The following TOP3A variants were observed in gnomAD, a reference collection of about 807,000 sequenced individuals.
TOP3A encodes the protein DNA topoisomerase 3-alpha.
Under a neutral mutation model 111.3 loss-of-function variants are expected in TOP3A, and 64 were observed. The ratio of observed to expected loss-of-function variants is 0.57; its 90% confidence interval spans 0.47 to 0.71. TOP3A has a LOEUF of 0.71. TOP3A is among the 30% of genes least tolerant of loss of function. The pLI is 0.00. For missense variants in TOP3A, 1,104 were observed against 1,285.0 expected (o/e 0.86, Z 2.15); for synonymous variants, 484 against 485.1 (o/e 1.00, Z 0.03).
At chr17:18,295,749 G>GC (rs1567744266) in intron 9 of TOP3A, among the ~76,000 whole-genome samples, 1 of 151,522 alleles carries the variant, frequency 6.6e-6, no homozygotes, top group Admixed American at 6.6e-5. Context: ...GTGAGCCACC[G>GC]CGTCTGGCCC....
rs1433406884 is a variant in TOP3A, at chr17:18,277,663, T to G, written c.2827+12A>C. The G allele has an allele frequency of 6.3e-7, 1 of 1,594,810 alleles. No homozygotes were observed. Among genetic ancestry groups the G allele is most frequent in the Non-Finnish European group, 8.6e-7 (1 of 1,165,088 alleles). ...CTGAAGGCAGGGATTCCCATGCCCCTCCCTGCCTCACCTGGAGCGGTGTTC... is the reference window on the plus strand; with the variant it reads ...CTGAAGGCAGGGATTCCCATGCCCCGCCCTGCCTCACCTGGAGCGGTGTTC... On this transcript the variant is annotated intron_variant, in intron 18 of 18. Coordinates refer to ENST00000321105, the MANE Select transcript of TOP3A (RefSeq NM_004618.5).
rs150182250 is a variant in TOP3A, at chr17:18,302,596, C to T, written c.627G>A (p.Glu209=). 128 of 1,614,124 alleles carry T rather than the reference C, an allele frequency of 7.9e-5. No homozygotes were observed. The African/African-American group carries it at 1.5e-3, about 19-fold the overall frequency. The change falls in exon 6 of 19, where the codon GAG becomes GAA. Residue 209 remains glutamate (E), a synonymous_variant. Transcript: ENST00000321105. ...RVSDAVDVRQ[E]LDLRIGAAFT... The stretch of plus-strand genomic sequence containing the variant: ...GCTCCTCACCAATCCTCAGGTCCAG[C>T]TCCTGCCTCACATCCACAGCATCGC...
At chr17:18,308,267 G>A (rs537037016) in intron 3 of TOP3A, 84 bp downstream of exon 3, 13 of 460,452 alleles carry the variant, frequency 2.8e-5, no homozygotes, top group Admixed American at 2.8e-4. Flanking sequence ...AAATTACCCA[G>A]TAAGATCAAC....
Position 18,278,091 on chromosome 17 carries a change from G to A in TOP3A, c.2411C>T (p.Ala804Val), listed in dbSNP as rs1979509458. 1.2e-6 allele frequency: 2 copies of A among 1,614,246 alleles called. No individual in the cohort carries two copies. The highest frequency in any genetic ancestry group is 1.3e-5 in the African/African-American group (1 of 75,074). The change falls in exon 18 of 19, where the codon GCT (alanine) becomes GTT (valine). Residue 804 changes from alanine (A) to valine (V), a missense_variant. Ala to Val is a moderately conservative substitution (Grantham distance 64). Transcript: ENST00000321105. ...ALAQTLPPPT[A>V]AGESNSVTCN... The stretch of plus-strand genomic sequence containing the variant: ...GGTCACAGAATTGCTTTCACCAGCA[G>A]CCGTGGGTGGTGGGAGGGTCTGGGC...
Position 18,302,620 on chromosome 17 carries a change from G to A in TOP3A, c.603C>T (p.Ser201=), listed in dbSNP as rs765303480. 8.1e-6 allele frequency: 13 copies of A among 1,614,018 alleles called. No individual in the cohort carries two copies. The highest frequency in any genetic ancestry group is 4.5e-5 in the East Asian group (2 of 44,902). ...GCTCCTGCCTCACATCCACAGCATC[G>A]CTCACCCTCTGATCAGGCTCGGTCA... The part of the protein sequence containing the change: ...ENLTEPDQRV[S]DAVDVRQELD... The change falls in exon 6 of 19, where the codon AGC becomes AGT. Residue 201 remains serine, a synonymous_variant. Transcript: ENST00000321105.
chr17:18,292,566 A>G, intron 11 of TOP3A, 79 bp downstream of exon 11: 6 of 1,209,026 alleles, frequency 5.0e-6, no homozygotes, highest in Non-Finnish European at 6.8e-6. Flanking sequence ...CACAGCCCAC[A>G]GAGTAAATTC....
Position 18,274,808 on chromosome 17 carries a change from G to C in TOP3A, c.3000C>G (p.Asn1000Lys). 2.5e-6 allele frequency: 4 copies of C among 1,614,092 alleles called. No individual in the cohort carries two copies. Among genetic ancestry groups the C allele is most frequent in the Non-Finnish European group, 3.4e-6 (4 of 1,179,992 alleles). The change falls in exon 19 of 19, where the codon AAC (asparagine) becomes AAG (lysine). Residue 1000 changes from asparagine (N) to lysine (K), a missense_variant. Asn to Lys is a moderately conservative substitution (Grantham distance 94). Coordinates refer to ENST00000321105, the MANE Select transcript of TOP3A (RefSeq NM_004618.5). ...PGHTRPFCPQNR is the reference protein window; with the variant it reads ...PGHTRPFCPQKR ...TCTCTACCCTACCCTGAGCTCATCT[G>C]TTCTGAGGACAAAAGGGACGGGTGT...
At chr17:18,281,199 G>A (rs561635060) in intron 16 of TOP3A, among the ~76,000 whole-genome samples, 4 of 152,270 alleles carry the variant, frequency 2.6e-5, no homozygotes, top group African/African-American at 9.6e-5. Context: ...TGAAACGTTA[G>A]GGTTTGACTA....
Position 18,271,558 on chromosome 17 carries a change from G to C in TOP3A, c.*3244C>G, listed in dbSNP as rs1978995016. On this transcript the variant is annotated 3_prime_UTR_variant, in exon 19 of 19. Transcript: ENST00000321105. Reference sequence around the variant, plus strand: ...TCCAAGGATGAGGCTGCACACCCAGGGTGGCAGAAGAGGCCAGGAAGTGGG... The same window carrying C: ...TCCAAGGATGAGGCTGCACACCCAGCGTGGCAGAAGAGGCCAGGAAGTGGG... 4.2e-6 allele frequency: 1 copy of C among 236,816 alleles called. No homozygotes were observed. Among genetic ancestry groups the C allele is most frequent in the African/African-American group, 2.4e-5 (1 of 42,010 alleles). 14.7% of individuals were successfully genotyped at this position (236,816 alleles called of 1,614,324 possible).
At chr17:18,292,008 G>A (rs1421943112) in intron 11 of TOP3A, among the ~76,000 whole-genome samples, 2 of 152,074 alleles carry the variant, frequency 1.3e-5, no homozygotes, top group African/African-American at 2.4e-5. Flanking sequence ...CACCGCGTCC[G>A]GCCATATTTT....
At chr17:18,302,557 G>C in intron 6 of TOP3A, 23 bp downstream of exon 6, 1 of 1,611,278 alleles carries the variant, frequency 6.2e-7, no homozygotes, top group Non-Finnish European at 8.5e-7. Flanking sequence ...GTGGCCATGG[G>C]AGAGGTCTGC....
rs1436944433 is a variant in TOP3A, at chr17:18,314,721, C to A, written c.58G>T (p.Ala20Ser). The change falls in exon 1 of 19, where the codon GCC becomes TCC. Residue 20 changes from alanine to serine, a missense_variant. Physicochemically the swap from Ala to Ser is moderately conservative, Grantham distance 99. Transcript: ENST00000321105. ...LRWLRRPEDRAFSRAAMEMAL... is the reference protein window; with the variant it reads ...LRWLRRPEDRSFSRAAMEMAL... ...ATCTCCATGGCGGCGCGGGAAAAGG[C>A]ACGGTCTTCGGGCCGTCGCAGCCAC... 11 of 1,599,596 alleles carry A rather than the reference C, an allele frequency of 6.9e-6. No individual in the cohort carries two copies. Among genetic ancestry groups the A allele is most frequent in the Non-Finnish European group, 9.4e-6 (11 of 1,173,564 alleles).
intron 17 of TOP3A, among the ~76,000 whole-genome samples, chr17:18,279,147 A>C (rs1228385662): frequency 6.6e-6 from 1 of 152,248 alleles, no homozygotes; most frequent in Non-Finnish European, 1.5e-5. Flanking sequence ...GCAAAATGTA[A>C]AACAATGTCA....
At chr17:18,289,187 A>G in intron 13 of TOP3A, among the ~76,000 whole-genome samples, 1 of 151,794 alleles carries the variant, frequency 6.6e-6, no homozygotes, top group African/African-American at 2.4e-5. Flanking sequence ...TAATTTTTGT[A>G]TTTTTTTAGT....
At chr17:18,304,499 T>C (rs1027210553) in intron 5 of TOP3A, among the ~76,000 whole-genome samples, 13 of 152,148 alleles carry the variant, frequency 8.5e-5, no homozygotes, top group Admixed American at 6.5e-4. Context: ...GAATGGCCTG[T>C]TCATCACTCC....
At chr17:18,303,386 G>A (rs779405636) in intron 5 of TOP3A, among the ~76,000 whole-genome samples, 2 of 152,206 alleles carry the variant, frequency 1.3e-5, no homozygotes, top group African/African-American at 2.4e-5. Flanking sequence ...CTCGTAAAGG[G>A]TCAGTGCTGA....
chr17:18,288,131 T>TTTTA (rs143028955), intron 13 of TOP3A, among the ~76,000 whole-genome samples: 5 of 122,708 alleles, frequency 4.1e-5, no homozygotes, highest in African/African-American at 1.7e-4. Context: ...CTGTTAATAA[T>TTTTA]TATATATATA....
In TOP3A at chr17:18,273,678, G is replaced by A. The variant is rs1468578397; in HGVS notation, c.*1124C>T. Among the ~76,000 whole-genome samples, 12 of 152,204 alleles carry A rather than the reference G, an allele frequency of 7.9e-5. No individual in the cohort carries two copies. ...AGGGTCTTACTCTGTCACCCAGGCT[G>A]GAGTGCAGTGGTGTGATCATGGCTT... On this transcript the variant is annotated 3_prime_UTR_variant, in exon 19 of 19. Coordinates refer to ENST00000321105, the MANE Select transcript of TOP3A (RefSeq NM_004618.5).
chr17:18,291,076 A>C, intron 11 of TOP3A, 49 bp from the exon 12 acceptor site: 31 of 1,577,980 alleles, frequency 2.0e-5, no homozygotes, highest in African/African-American at 2.7e-5. Flanking sequence ...ATCACCTCTC[A>C]AGGACAGGAG....
Sources: allele counts gnomAD v4.1 joint callset (sites outside exome capture counted in the v4.1 genomes callset), GRCh38; gene constraint gnomAD v4.1.1; transcripts MANE v1.5; gene names NCBI Gene and HGNC (gene_info 2026-07-23, HGNC 2026-07-21).